Variants in FHIT observed in about 807,000 individuals in gnomAD.
FHIT encodes the protein fragile histidine triad diadenosine triphosphatase, also known as bis(5'-adenosyl)-triphosphatase.
In FHIT, 19 loss-of-function variants were observed where a neutral mutation model predicts 17.9. The ratio of observed to expected loss-of-function variants is 1.06; its 90% CI spans 0.74 to 1.56. FHIT has a LOEUF of 1.56. FHIT is among the 40% of genes most tolerant of loss of function. The probability of loss-of-function intolerance (pLI) is 0.00; values close to 1 mark genes in which losing one functional copy is unlikely to be tolerated. For synonymous variants in FHIT, 81 were observed against 69.7 expected (o/e 1.16, Z -0.81); for missense variants, 248 against 189.2 (o/e 1.31, Z -1.82).
At chr3:59,795,639 A>T (rs1355075706) in intron 8 of FHIT, among the ~76,000 whole-genome samples, 1 of 152,160 alleles carries the variant, frequency 6.6e-6, no homozygotes, top group African/African-American at 2.4e-5. Flanking sequence ...TGAGAGGATC[A>T]TCACTTGAGC....
chr3:60,081,124 C>G (rs1252056149), intron 5 of FHIT, among the ~76,000 whole-genome samples: 1 of 152,088 alleles, frequency 6.6e-6, no homozygotes, highest in Non-Finnish European at 1.5e-5. Context: ...TGCAGTGCTT[C>G]TCCAAGTTTG....
chr3:61,205,343 G>C (rs1343863160), intron 1 of FHIT, among the ~76,000 whole-genome samples: 3 of 152,140 alleles, frequency 2.0e-5, no homozygotes, highest in Non-Finnish European at 4.4e-5. Flanking sequence ...ACCCAGTAAT[G>C]AGATGGCTGA....
chr3:60,459,439 G>C (rs1315437427), intron 5 of FHIT, among the ~76,000 whole-genome samples: 1 of 152,176 alleles, frequency 6.6e-6, no homozygotes, highest in African/African-American at 2.4e-5. Context: ...TTCTCCATCA[G>C]CTATTAAGGT....
At chr3:60,352,952 C>T (rs753388358) in intron 5 of FHIT, among the ~76,000 whole-genome samples, 2 of 152,166 alleles carry the variant, frequency 1.3e-5, no homozygotes, top group African/African-American at 2.4e-5. Context: ...ACATTTATAC[C>T]TCCCTTGGAG....
At chr3:60,158,918 T>A (rs1700821036) in intron 5 of FHIT, among the ~76,000 whole-genome samples, 2 of 152,134 alleles carry the variant, frequency 1.3e-5, no homozygotes, top group Admixed American at 6.5e-5. Context: ...TTCTCTGTGG[T>A]ATGTGTTCTC....
At chr3:59,821,338 T>C (rs1178227589) in intron 8 of FHIT, among the ~76,000 whole-genome samples, 3 of 152,216 alleles carry the variant, frequency 2.0e-5, no homozygotes, top group Non-Finnish European at 4.4e-5. Flanking sequence ...GAGGTCTTTG[T>C]TGGGCTCATG....
chr3:60,046,096 T>C (rs960839578), intron 5 of FHIT, among the ~76,000 whole-genome samples: 1 of 152,232 alleles, frequency 6.6e-6, no homozygotes. Context: ...ATATTTCATA[T>C]ATGAATACTT....
intron 5 of FHIT, among the ~76,000 whole-genome samples, chr3:60,326,617 C>T (rs932678050): frequency 1.3e-5 from 2 of 152,124 alleles, no homozygotes; most frequent in Non-Finnish European, 2.9e-5. Context: ...GGACCCCTGT[C>T]CTAAACCATG....
At chr3:61,177,609 T>C (rs2038199271) in intron 2 of FHIT, among the ~76,000 whole-genome samples, 1 of 152,196 alleles carries the variant, frequency 6.6e-6, no homozygotes. Flanking sequence ...TTCAGATGAA[T>C]GGGACATCTG....
At chr3:61,161,449 A>G (rs375824394) in intron 2 of FHIT, among the ~76,000 whole-genome samples, 5 of 152,216 alleles carry the variant, frequency 3.3e-5, no homozygotes, top group African/African-American at 1.2e-4. Flanking sequence ...TGATCCGCCC[A>G]CCTTGGCCTC....
At chr3:60,162,119 G>A (rs377700284) in intron 5 of FHIT, among the ~76,000 whole-genome samples, 60 of 152,270 alleles carry the variant, frequency 3.9e-4, no homozygotes, top group African/African-American at 1.1e-3. Context: ...GGAGACAGAG[G>A]AAGGGGCAGA....
intron 5 of FHIT, among the ~76,000 whole-genome samples, chr3:60,095,523 C>T (rs544494443): frequency 6.6e-6 from 1 of 152,286 alleles, no homozygotes; most frequent in South Asian, 2.1e-4. Context: ...GAAGCATATT[C>T]TTTCTGATTT....
intron 5 of FHIT, among the ~76,000 whole-genome samples, chr3:60,335,006 A>G (rs1006487177): frequency 2.0e-5 from 3 of 152,204 alleles, no homozygotes; most frequent in African/African-American, 7.2e-5. Flanking sequence ...CCTTTTTCAA[A>G]ATTTGCTTTA....
At chr3:59,891,397 C>T (rs989193990) in intron 8 of FHIT, among the ~76,000 whole-genome samples, 3 of 152,190 alleles carry the variant, frequency 2.0e-5, no homozygotes, top group African/African-American at 7.2e-5. Flanking sequence ...AAGCGGGGCT[C>T]CAGTGAGAAG....
rs782589170 is a variant in FHIT at position 60,860,499 on chromosome 3, TCAG to T, written c.-110-38491_-110-38489del. 9.5e-4 allele frequency among the ~76,000 whole-genome samples: 90 copies of T among 94,886 alleles called. 4 individuals carry two copies. The highest frequency in any genetic ancestry group is 2.8e-3 in the African/African-American group (69 of 24,398). The allele number at this position is 94,886 out of a possible 152,430, so 62.2% of individuals were successfully genotyped here. Reference sequence around the variant, plus strand: ...ATATGATACATATGTATCATATATATCAGGTATATATGATACATATGTATCATA... The same window carrying T: ...ATATGATACATATGTATCATATATATGTATATATGATACATATGTATCATA... On this transcript the variant is annotated intron_variant, in intron 3 of 9. Transcript: ENST00000492590.
At chr3:59,896,092 A>C (rs919651990) in intron 8 of FHIT, among the ~76,000 whole-genome samples, 2 of 152,206 alleles carry the variant, frequency 1.3e-5, no homozygotes, top group Non-Finnish European at 2.9e-5. Context: ...TCTTTAGATT[A>C]TGAGGCACAA....
At chr3:61,074,390 G>A (rs755067857) in intron 2 of FHIT, among the ~76,000 whole-genome samples, 21 of 152,234 alleles carry the variant, frequency 1.4e-4, no homozygotes, top group Middle Eastern at 3.4e-3. Context: ...ACTGCATTAC[G>A]GCAGAGGTTG....
intron 4 of FHIT, among the ~76,000 whole-genome samples, chr3:60,625,865 T>C (rs2107762079): frequency 6.6e-6 from 1 of 152,340 alleles, no homozygotes; most frequent in Middle Eastern, 3.4e-3. Flanking sequence ...AAGAGTTTTA[T>C]AGTTTTAGCT....
intron 5 of FHIT, among the ~76,000 whole-genome samples, chr3:60,475,266 AG>A (rs1194907750): frequency 7.9e-5 from 12 of 152,188 alleles, no homozygotes; most frequent in Non-Finnish European, 1.5e-4. Flanking sequence ...GACAAAGCAA[AG>A]GTTAGGGGAG....
Sources: allele counts gnomAD v4.1 joint callset (sites outside exome capture counted in the v4.1 genomes callset), GRCh38; gene constraint gnomAD v4.1.1; transcripts MANE v1.5; gene names NCBI Gene and HGNC (gene_info 2026-07-23, HGNC 2026-07-21).